PTPRG: variants seen among roughly 807,000 people sequenced by gnomAD.
The protein encoded by PTPRG is receptor-type tyrosine-protein phosphatase gamma.
In PTPRG, 102 loss-of-function variants were observed where a neutral mutation model predicts 165.3. That is an observed-to-expected ratio of 0.62 (90% CI 0.53 to 0.73). The LOEUF (loss-of-function observed/expected upper bound fraction) is 0.73, where lower values mean the gene tolerates loss of function less well. PTPRG is among the 30% of genes least tolerant of loss of function. PTPRG has a pLI of 0.00. For missense variants in PTPRG, 1,866 were observed against 1,861.4 expected (o/e 1.00, Z -0.05); for synonymous variants, 675 against 669.5 (o/e 1.01, Z -0.13).
At chr3:61,798,350 C>T (rs888138917) in intron 2 of PTPRG, among the ~76,000 whole-genome samples, 1 of 152,184 alleles carries the variant, frequency 6.6e-6, no homozygotes, top group South Asian at 2.1e-4. Context: ...ACCAAAATCC[C>T]GTATGTGACA....
chr3:61,887,192 AC>A (rs1487761417), intron 2 of PTPRG, among the ~76,000 whole-genome samples: 2 of 137,206 alleles, frequency 1.5e-5, no homozygotes, highest in Non-Finnish European at 3.1e-5. Context: ...ATCATCAAAC[AC>A]TCATTTCAGC....
chr3:62,293,175 C>A lies in PTPRG; in HGVS notation c.4206C>A (p.Phe1402Leu). The A allele has an allele frequency of 1.9e-6, 3 of 1,592,748 alleles. No homozygotes were observed. Among genetic ancestry groups the A allele is most frequent in the Non-Finnish European group, 2.6e-6 (3 of 1,172,956 alleles). The change falls in exon 30 of 30, where the codon TTC becomes TTA. Residue 1402 changes from phenylalanine (F) to leucine (L), a missense_variant. This residue lies in a region of PTPRG where 1,452 missense variants were observed against 1,463.0 expected (regional missense o/e 0.99). Coordinates refer to ENST00000474889, the MANE Select transcript of PTPRG (RefSeq NM_002841.4). ...TTGTTTTTCAGGAACAATACCAGTT[C>A]ATCTATAAAGCAATGCTTAGCTTGG... ...GVFTDIEQYQ[F>L]IYKAMLSLVS...
At chr3:61,728,917 C>G (rs1035874594) in intron 1 of PTPRG, among the ~76,000 whole-genome samples, 1 of 150,456 alleles carries the variant, frequency 6.6e-6, no homozygotes, top group Non-Finnish European at 1.5e-5. Context: ...AAAAAATTAG[C>G]TGGACATGGT....
At position 61,800,629 on chromosome 3, in the gene PTPRG, G is replaced by A. The variant is rs368303401; in HGVS notation, c.190+51647G>A. 2.7e-4 allele frequency among the ~76,000 whole-genome samples: 41 copies of A among 151,458 alleles called. No individual in the cohort carries two copies. The South Asian group carries it at 5.2e-3, about 19-fold the overall frequency. On this transcript the variant is annotated intron_variant, in intron 2 of 29. Transcript: ENST00000474889. ...AGGTGTGGAGAAAGAAGGGTGTTCCGTGGTGGGGACAGAACTGTGCACGGT... is the reference window on the plus strand; with the variant it reads ...AGGTGTGGAGAAAGAAGGGTGTTCCATGGTGGGGACAGAACTGTGCACGGT...
chr3:62,030,701 GC>G (rs1222289532), intron 4 of PTPRG, among the ~76,000 whole-genome samples: 16 of 152,164 alleles, frequency 1.1e-4, no homozygotes, highest in Non-Finnish European at 1.6e-4. Flanking sequence ...TTAATGAACA[GC>G]AAACAGTATG....
intron 2 of PTPRG, among the ~76,000 whole-genome samples, chr3:61,976,011 G>A (rs1460036515): frequency 6.6e-6 from 1 of 152,134 alleles, no homozygotes; most frequent in Non-Finnish European, 1.5e-5. Flanking sequence ...TACCCTTGAA[G>A]AACCGTGTTC....
At chr3:61,775,986 G>A (rs984413182) in intron 2 of PTPRG, among the ~76,000 whole-genome samples, 2 of 151,508 alleles carry the variant, frequency 1.3e-5, no homozygotes, top group African/African-American at 4.9e-5. Context: ...TAAATGACGA[G>A]TTAATGGGTG....
chr3:61,590,910 G>C (rs1700553400), intron 1 of PTPRG, among the ~76,000 whole-genome samples: 1 of 151,972 alleles, frequency 6.6e-6, no homozygotes, highest in Non-Finnish European at 1.5e-5. Context: ...AGGAGTTCAA[G>C]ACCAGCCTGG....
chr3:62,105,280 A>G (rs1414218899), intron 5 of PTPRG, among the ~76,000 whole-genome samples: 1 of 152,236 alleles, frequency 6.6e-6, no homozygotes, highest in African/African-American at 2.4e-5. Flanking sequence ...TAGCAGGAGT[A>G]GCCAAATAGC....
chr3:62,285,913 CATA>C (rs1359486485), intron 28 of PTPRG, among the ~76,000 whole-genome samples: 1 of 152,084 alleles, frequency 6.6e-6, no homozygotes, highest in Non-Finnish European at 1.5e-5. Flanking sequence ...TACTGGATAG[CATA>C]ATAATATAAA....
At chr3:62,149,507 A>C (rs1362262679) in intron 6 of PTPRG, among the ~76,000 whole-genome samples, 2 of 152,084 alleles carry the variant, frequency 1.3e-5, no homozygotes, top group Non-Finnish European at 2.9e-5. Flanking sequence ...ACCTCAGGTG[A>C]CCCACCCACC....
rs1559629643 is a variant in PTPRG, at chr3:61,818,872, GTGAATAGTGAAAT to G, written c.190+69891_190+69903del. Among the ~76,000 whole-genome samples, 78 of 104,486 alleles carry G rather than the reference GTGAATAGTGAAAT, an allele frequency of 7.5e-4. 1 individual carries two copies. Among genetic ancestry groups the G allele is most frequent in the Middle Eastern group, 0.012 (2 of 162 alleles). The allele number at this position is 104,486 out of a possible 152,430, so 68.5% of individuals were successfully genotyped here. On this transcript the variant is annotated intron_variant, in intron 2 of 29. Coordinates refer to ENST00000474889, the MANE Select transcript of PTPRG (RefSeq NM_002841.4). ...TAGTGAAATAGTGAATAGTGAAATA[GTGAATAGTGAAAT>G]AGTGAATAGTGAAATAGTGAAATAG...
intron 2 of PTPRG, among the ~76,000 whole-genome samples, chr3:61,827,529 C>A (rs747745643): frequency 6.6e-6 from 1 of 152,174 alleles, no homozygotes; most frequent in Non-Finnish European, 1.5e-5. Flanking sequence ...CTCGTGACCT[C>A]ATGATATTTT....
chr3:62,136,770 A>C (rs1454395752), intron 6 of PTPRG, among the ~76,000 whole-genome samples: 1 of 152,162 alleles, frequency 6.6e-6, no homozygotes, highest in East Asian at 1.9e-4. Context: ...CATGTGAGAC[A>C]TGCCTTTCAC....
At chr3:61,804,967 C>T (rs180774393) in intron 2 of PTPRG, among the ~76,000 whole-genome samples, 2 of 152,256 alleles carry the variant, frequency 1.3e-5, no homozygotes, top group East Asian at 3.9e-4. Flanking sequence ...TTGACAGATC[C>T]TTTAAGATGA....
chr3:61,842,685 A>G (rs2036673701), intron 2 of PTPRG, among the ~76,000 whole-genome samples: 1 of 25,624 alleles, frequency 3.9e-5, no homozygotes, highest in South Asian at 1.4e-3. Context: ...TATGTGTGGC[A>G]AAAAAAAAAA....
intron 2 of PTPRG, among the ~76,000 whole-genome samples, chr3:61,888,299 T>C (rs1167730039): frequency 6.6e-6 from 1 of 151,940 alleles, no homozygotes; most frequent in Non-Finnish European, 1.5e-5. Flanking sequence ...TAATTTTCTA[T>C]TTCTGTTCTA....
intron 2 of PTPRG, among the ~76,000 whole-genome samples, chr3:61,857,447 G>A (rs954923231): frequency 6.6e-6 from 1 of 152,162 alleles, no homozygotes; most frequent in Non-Finnish European, 1.5e-5. Flanking sequence ...GCCATGAATG[G>A]GATGGGTCAG....
At chr3:61,916,839 A>G (rs549733910) in intron 2 of PTPRG, among the ~76,000 whole-genome samples, 2 of 152,344 alleles carry the variant, frequency 1.3e-5, no homozygotes, top group Middle Eastern at 3.4e-3. Context: ...CTCCATTTCC[A>G]TTACAGATCT....
Sources: allele counts gnomAD v4.1 joint callset (sites outside exome capture counted in the v4.1 genomes callset), GRCh38; gene constraint gnomAD v4.1.1; regional missense constraint gnomAD v4.1.1; transcripts MANE v1.5; gene names NCBI Gene and HGNC (gene_info 2026-07-23, HGNC 2026-07-21).